The following PACC1 variants were observed in gnomAD, a reference collection of about 807,000 sequenced individuals.
PACC1 encodes the protein proton activated chloride channel 1.
In PACC1, 34 loss-of-function variants were observed where a neutral mutation model predicts 39.7. That is an observed-to-expected ratio of 0.86 (90% CI 0.65 to 1.14). The LOEUF is 1.14. PACC1 is among the 50% of genes most tolerant of loss of function. The probability of loss-of-function intolerance (pLI) is 0.00; values close to 1 mark genes in which losing one functional copy is unlikely to be tolerated. For missense variants in PACC1, 379 were observed against 436.4 expected (o/e 0.87, Z 1.17); for synonymous variants, 127 against 160.6 (o/e 0.79, Z 1.58).
At chr1:212,381,447 C>T (rs981959852) in intron 4 of PACC1, among the ~76,000 whole-genome samples, 2 of 152,184 alleles carry the variant, frequency 1.3e-5, no homozygotes, top group African/African-American at 4.8e-5. Context: ...ACAGAAAGCA[C>T]TGTCCCTGGT....
At chr1:212,380,103 G>A in intron 4 of PACC1, 66 bp from the exon 5 acceptor site, 2 of 1,543,228 alleles carry the variant, frequency 1.3e-6, no homozygotes, top group Non-Finnish European at 8.8e-7. Context: ...GGGTCTGAGG[G>A]CAGAAGTACT....
In PACC1 at chr1:212,365,273, A is replaced by T; in HGVS notation, c.995T>A (p.Ile332Asn). The T allele has an allele frequency of 6.2e-7, 1 of 1,613,464 alleles. No homozygotes were observed. Among genetic ancestry groups the T allele is most frequent in the Non-Finnish European group, 8.5e-7 (1 of 1,179,832 alleles). ...TTTAAGGTATCTCTTTCTAATTTTG[A>T]TCATCCATTTTATACTCAGTTTGGC... ...EFAKLSIKWMIKIRKRYLKRR... is the reference protein window; with the variant it reads ...EFAKLSIKWMNKIRKRYLKRR... The change falls in exon 8 of 8, where the codon ATC (isoleucine) becomes AAC (asparagine). Residue 332 changes from isoleucine (I) to asparagine (N), a missense_variant. Physicochemically the swap from Ile to Asn is moderately radical, Grantham distance 149. Coordinates refer to ENST00000261455, the MANE Select transcript of PACC1 (RefSeq NM_018252.3).
chr1:212,410,154 C>T lies in PACC1; in HGVS notation c.133+271G>A, dbSNP rs952694530. The stretch of plus-strand genomic sequence containing the variant: ...CTAGCAGTTTCCAGGGAAAGAGGAA[C>T]AGAAGAGCAGAGATCCAAAGCATTT... On this transcript the variant is annotated intron_variant, in intron 2 of 7. Transcript: ENST00000261455. 3.3e-5 allele frequency: 13 copies of T among 390,246 alleles called. No individual in the cohort carries two copies. In the Admixed American group the frequency reaches 4.3e-4, roughly 13 times the overall value. The allele number at this position is 390,246 out of a possible 1,614,324, so 24.2% of individuals were successfully genotyped here.
intron 2 of PACC1, among the ~76,000 whole-genome samples, chr1:212,401,120 A>G (rs1382689328): frequency 6.6e-6 from 1 of 152,182 alleles, no homozygotes; most frequent in Non-Finnish European, 1.5e-5. Flanking sequence ...AAATATATTC[A>G]GCAGTTTTTT....
chr1:212,414,639 A>ACCCCCCCCCCCCCCTCC, intron 1 of PACC1, 83 bp downstream of exon 1: 5 of 1,415,938 alleles, frequency 3.5e-6, no homozygotes, highest in Non-Finnish European at 4.9e-6. Context: ...CAGCCCCGAC[A>ACCCCCCCCCCCCCCTCC]CCCCCCGCCC....
intron 4 of PACC1, among the ~76,000 whole-genome samples, chr1:212,384,202 C>T (rs1661011934): frequency 6.6e-6 from 1 of 152,106 alleles, no homozygotes; most frequent in Non-Finnish European, 1.5e-5. Context: ...TCTTCACGTG[C>T]AAAGCTATTA....
At chr1:212,410,592 A>C (rs1662089616) in intron 1 of PACC1, 71 bp from the exon 2 acceptor site, 1 of 1,369,644 alleles carries the variant, frequency 7.3e-7, no homozygotes, top group Non-Finnish European at 1.0e-6. Context: ...CTAGAATAAG[A>C]AAGCAGAAGC....
chr1:212,414,027 A>T (rs1662234040), intron 1 of PACC1: 3 of 1,535,778 alleles, frequency 2.0e-6, no homozygotes, highest in Middle Eastern at 1.7e-4. Context: ...TCACTAATAC[A>T]GCTGGAGAAG....
intron 2 of PACC1, among the ~76,000 whole-genome samples, chr1:212,399,142 T>G (rs1661624451): frequency 6.6e-6 from 1 of 152,258 alleles, no homozygotes; most frequent in African/African-American, 2.4e-5. Flanking sequence ...CTTACTACAT[T>G]CTAACGGGGT....
Position 212,368,337 on chromosome 1 carries a change from G to A in PACC1, c.892-2961C>T, listed in dbSNP as rs540243571. 6.6e-5 allele frequency among the ~76,000 whole-genome samples: 10 copies of A among 152,148 alleles called. No individual in the cohort carries two copies. The East Asian group carries it at 1.6e-3, about 24-fold the overall frequency. On this transcript the variant is annotated intron_variant, in intron 7 of 7. Coordinates refer to ENST00000261455, the MANE Select transcript of PACC1 (RefSeq NM_018252.3). ...AAATCTTCAATGCCCATAGACAGAC[G>A]TACACAAGCACCAGAAAAGTTCAGA...
In PACC1 at chr1:212,368,765, G is replaced by A. The variant is rs141699943; in HGVS notation, c.892-3389C>T. 4.2e-3 allele frequency among the ~76,000 whole-genome samples: 638 copies of A among 152,252 alleles called. 3 individuals are homozygous for A. The highest frequency in any genetic ancestry group is 0.014 in the African/African-American group (588 of 41,560). On this transcript the variant is annotated intron_variant, in intron 7 of 7. Transcript: ENST00000261455. The stretch of plus-strand genomic sequence containing the variant: ...TCAATGGCCTTGGCCGGGTGCGGTG[G>A]CTCATGCCTGTAATCCCAGCACTTT...
intron 1 of PACC1, among the ~76,000 whole-genome samples, chr1:212,412,718 G>A (rs550603897): frequency 2.0e-5 from 3 of 152,176 alleles, no homozygotes; most frequent in African/African-American, 4.8e-5. Context: ...CATTTTATAA[G>A]CCCTGCTAGG....
intron 6 of PACC1, among the ~76,000 whole-genome samples, chr1:212,377,171 CAA>C (rs1660694386): frequency 6.6e-6 from 1 of 152,186 alleles, no homozygotes; most frequent in Non-Finnish European, 1.5e-5. Context: ...GGAAAAGGAT[CAA>C]CATGCACACT....
intron 7 of PACC1, among the ~76,000 whole-genome samples, chr1:212,373,727 A>T (rs1327087324): frequency 1.3e-5 from 2 of 152,206 alleles, no homozygotes; most frequent in African/African-American, 4.8e-5. Context: ...ATGATATTCA[A>T]ATGGCCAAAA....
At chr1:212,377,421 G>C in intron 6 of PACC1, 141 bp downstream of exon 6, 1 of 1,131,882 alleles carries the variant, frequency 8.8e-7, no homozygotes, top group Non-Finnish European at 1.3e-6. Flanking sequence ...GCCCTCCATG[G>C]GAGTCCCTTC....
At chr1:212,372,282 CAA>C (rs56708545) in intron 7 of PACC1, among the ~76,000 whole-genome samples, 20 of 130,936 alleles carry the variant, frequency 1.5e-4, no homozygotes, top group Admixed American at 2.3e-4. Context: ...GAAACTGTGT[CAA>C]AAAAAAAAAA....
intron 4 of PACC1, among the ~76,000 whole-genome samples, chr1:212,383,876 C>T (rs959842891): frequency 7.9e-5 from 12 of 152,036 alleles, no homozygotes; most frequent in African/African-American, 2.7e-4. Flanking sequence ...ATCTTCCCTT[C>T]GCTTCTGTAG....
At chr1:212,395,900 C>G (rs1661496945) in intron 2 of PACC1, among the ~76,000 whole-genome samples, 1 of 152,190 alleles carries the variant, frequency 6.6e-6, no homozygotes, top group Non-Finnish European at 1.5e-5. Context: ...CCATCTCACA[C>G]CAGTTAGAAT....
Position 212,414,738 on chromosome 1 carries a change from G to C in PACC1, c.20C>G (p.Ser7Cys). 6.2e-7 allele frequency: 1 copy of C among 1,613,666 alleles called. No homozygotes were observed. The highest frequency in any genetic ancestry group is 1.1e-5 in the South Asian group (1 of 91,080). The stretch of plus-strand genomic sequence containing the variant: ...ACCTCGTACCTCCTGGTAGGATGTG[G>C]AGCGCTCCTGCCGGATCATGGCACT... MIRQERSTSYQELSEEL... is the reference protein window; with the variant it reads MIRQERCTSYQELSEEL... The change falls in exon 1 of 8, where the codon TCC becomes TGC. Residue 7 changes from serine (S) to cysteine (C), a missense_variant. Coordinates refer to ENST00000261455, the MANE Select transcript of PACC1 (RefSeq NM_018252.3).
Sources: gnomAD v4.1 joint callset for allele counts (sites outside exome capture counted in the v4.1 genomes callset) on GRCh38, gnomAD v4.1.1 for gene constraint, MANE v1.5 for transcripts, NCBI Gene and HGNC (gene_info 2026-07-23, HGNC 2026-07-21) for gene names.